NKAIN3: variants seen among roughly 807,000 people sequenced by gnomAD.
NKAIN3 encodes sodium/potassium-transporting ATPase subunit beta-1-interacting protein 3.
Under a neutral mutation model 30.2 loss-of-function variants are expected in NKAIN3, and 25 were observed. The ratio of observed to expected loss-of-function variants is 0.83; its 90% CI spans 0.60 to 1.16. The LOEUF (loss-of-function observed/expected upper bound fraction) is 1.16, where lower values mean the gene tolerates loss of function less well. Ranked by LOEUF, NKAIN3 falls within the 50% of genes most tolerant of loss-of-function variation. The probability of loss-of-function intolerance (pLI) is 0.00; values close to 1 mark genes in which losing one functional copy is unlikely to be tolerated. For missense variants in NKAIN3, 225 were observed against 254.1 expected, an observed-to-expected ratio of 0.89 and a Z score of 0.78; for synonymous variants, 91 against 89.6, an observed-to-expected ratio of 1.02 and a Z score of -0.09.
chr8:62,935,585 C>T (rs953289450), intron 5 of NKAIN3, among the ~76,000 whole-genome samples: 2 of 152,082 alleles, frequency 1.3e-5, no homozygotes, highest in South Asian at 4.1e-4. Context: ...TAGTACCTTT[C>T]TTTCCAGAAT....
intron 1 of NKAIN3, among the ~76,000 whole-genome samples, chr8:62,259,480 CA>C (rs1257979280): frequency 6.6e-6 from 1 of 152,114 alleles, no homozygotes; most frequent in East Asian, 1.9e-4. Context: ...CATGCATCTA[CA>C]GCAGAATAGA....
intron 4 of NKAIN3, among the ~76,000 whole-genome samples, chr8:62,868,115 T>G (rs1820481857): frequency 1.3e-5 from 2 of 152,146 alleles, no homozygotes; most frequent in African/African-American, 4.8e-5. Flanking sequence ...TTGAAAAACA[T>G]CTTTAAAGGA....
At chr8:62,283,456 G>T (rs2129397332) in intron 1 of NKAIN3, among the ~76,000 whole-genome samples, 1 of 152,204 alleles carries the variant, frequency 6.6e-6, no homozygotes, top group South Asian at 2.1e-4. Context: ...CCCTGGTTTG[G>T]TCCACAGATC....
chr8:62,609,536 T>C (rs1419190802), intron 3 of NKAIN3, among the ~76,000 whole-genome samples: 1 of 152,134 alleles, frequency 6.6e-6, no homozygotes, highest in Non-Finnish European at 1.5e-5. Context: ...GGACTGAGAA[T>C]ATAACTGGGG....
chr8:62,808,929 G>A (rs930991287), intron 4 of NKAIN3, among the ~76,000 whole-genome samples: 1 of 152,128 alleles, frequency 6.6e-6, no homozygotes, highest in Admixed American at 6.6e-5. Context: ...AGCGCTACGG[G>A]AGACCAGGGC....
intron 4 of NKAIN3, among the ~76,000 whole-genome samples, chr8:62,913,599 T>A (rs1041076554): frequency 1.3e-5 from 2 of 152,218 alleles, no homozygotes; most frequent in Admixed American, 6.5e-5. Flanking sequence ...CAGATTATAT[T>A]ATCTGTTTTT....
chr8:62,351,103 T>C (rs1405849833), intron 1 of NKAIN3, among the ~76,000 whole-genome samples: 3 of 148,852 alleles, frequency 2.0e-5, no homozygotes, highest in Non-Finnish European at 4.5e-5. Flanking sequence ...TGTATAAATA[T>C]ATAATATATA....
chr8:62,975,905 A>G lies in NKAIN3; in HGVS notation c.*10498A>G, dbSNP rs1297690657. Among the ~76,000 whole-genome samples the G allele has an allele frequency of 6.6e-6, 1 of 152,184 alleles. No homozygotes were observed. The highest frequency in any genetic ancestry group is 2.4e-5 in the African/African-American group (1 of 41,450). On this transcript the variant is annotated 3_prime_UTR_variant, in exon 7 of 7. Coordinates refer to ENST00000623646, the MANE Select transcript of NKAIN3 (RefSeq NM_001304533.3). ...GTGTCTTTGTTCTTGTTGGTTTCAA[A>G]GAACTTATTTATTTCTGCTGTGATC...
At chr8:62,407,878 A>C (rs1302645773) in intron 1 of NKAIN3, among the ~76,000 whole-genome samples, 1 of 152,158 alleles carries the variant, frequency 6.6e-6, no homozygotes, top group South Asian at 2.1e-4. Flanking sequence ...CAACATACAT[A>C]TATTTGGTCT....
At chr8:62,344,863 T>A (rs1371031798) in intron 1 of NKAIN3, 1 of 440,978 alleles carries the variant, frequency 2.3e-6, no homozygotes, top group Admixed American at 2.4e-5. Context: ...GGTATTTTGA[T>A]AGGGATTGCA....
intron 3 of NKAIN3, among the ~76,000 whole-genome samples, chr8:62,655,855 A>G (rs1041401875): frequency 2.6e-5 from 4 of 151,408 alleles, no homozygotes; most frequent in Non-Finnish European, 1.5e-5. Flanking sequence ...TGTAATGAAG[A>G]ACAAAGGGGC....
intron 4 of NKAIN3, among the ~76,000 whole-genome samples, chr8:62,909,357 A>C (rs979044505): frequency 5.9e-5 from 9 of 152,234 alleles, no homozygotes; most frequent in African/African-American, 2.2e-4. Context: ...ATAGAGAAGA[A>C]AGTCATTTTA....
At chr8:62,998,708 G>T (rs576943314) in intron 5 of NKAIN3, among the ~76,000 whole-genome samples, 1 of 152,342 alleles carries the variant, frequency 6.6e-6, no homozygotes, top group South Asian at 2.1e-4. Flanking sequence ...TCTTGAGGAT[G>T]ATTGTCATGC....
chr8:62,581,391 C>T (rs1489693257), intron 2 of NKAIN3, among the ~76,000 whole-genome samples: 2 of 152,088 alleles, frequency 1.3e-5, no homozygotes, highest in African/African-American at 4.8e-5. Flanking sequence ...TACCTGGTGG[C>T]TTTGAAACCA....
chr8:62,415,343 G>A (rs183471669), intron 1 of NKAIN3, among the ~76,000 whole-genome samples: 1 of 146,814 alleles, frequency 6.8e-6, no homozygotes, highest in South Asian at 2.1e-4. Flanking sequence ...ATGATAAATA[G>A]ATGATGATGA....
At chr8:62,570,072 C>T (rs1025272769) in intron 1 of NKAIN3, among the ~76,000 whole-genome samples, 2 of 152,124 alleles carry the variant, frequency 1.3e-5, no homozygotes, top group African/African-American at 2.4e-5. Flanking sequence ...ATTGTGTCTA[C>T]CTGTAGTGAA....
intron 1 of NKAIN3, among the ~76,000 whole-genome samples, chr8:62,406,180 C>A (rs1326406949): frequency 6.6e-6 from 1 of 152,194 alleles, no homozygotes; most frequent in Non-Finnish European, 1.5e-5. Context: ...TGAGTACATA[C>A]AAGGTATTCA....
At chr8:62,317,712 A>T (rs1814691561) in intron 1 of NKAIN3, among the ~76,000 whole-genome samples, 1 of 152,114 alleles carries the variant, frequency 6.6e-6, no homozygotes, top group Admixed American at 6.6e-5. Flanking sequence ...GGTAGTGTGA[A>T]TGCCTCCAGC....
chr8:62,945,377 A>G (rs1024934045), intron 5 of NKAIN3, among the ~76,000 whole-genome samples: 1 of 152,212 alleles, frequency 6.6e-6, no homozygotes, highest in Admixed American at 6.5e-5. Context: ...TTTTGGAAGC[A>G]AAAGATTGAA....
Sources: gnomAD v4.1 joint callset for allele counts (sites outside exome capture counted in the v4.1 genomes callset) on GRCh38, gnomAD v4.1.1 for gene constraint, MANE v1.5 for transcripts, NCBI Gene and HGNC (gene_info 2026-07-23, HGNC 2026-07-21) for gene names.